CLIC5: variants seen among roughly 807,000 people sequenced by gnomAD.
The protein encoded by CLIC5 is CLIC family member 5, also known as chloride intracellular channel protein 5.
CLIC5 carries 20 observed loss-of-function variants against 24.7 expected under a neutral mutation model. The observed-to-expected ratio is 0.81, with a 90% CI of 0.57 to 1.18. The LOEUF is 1.18. CLIC5 is among the 50% of genes most tolerant of loss of function. The pLI, the probability that CLIC5 is intolerant of heterozygous loss-of-function variation, is 0.00. For missense variants in CLIC5, 341 were observed against 326.1 expected (o/e 1.05, Z -0.35); for synonymous variants, 159 against 135.6 (o/e 1.17, Z -1.20).
chr6:46,072,093 G>C (rs1288301623), intron 1 of CLIC5, among the ~76,000 whole-genome samples: 1 of 152,116 alleles, frequency 6.6e-6, no homozygotes, highest in Non-Finnish European at 1.5e-5. Context: ...GGAGGGTAGA[G>C]GGTGGGAGGA....
the CLIC5 span, among the ~76,000 whole-genome samples, chr6:46,085,830 G>A: frequency 2.0e-5 from 3 of 152,230 alleles, no homozygotes; most frequent in Non-Finnish European, 4.4e-5. Context: ...TTGTTTGTCT[G>A]TGCCCTGCCC....
chr6:45,882,080 TGA>T (rs1389269026), intron 6 of CLIC5, among the ~76,000 whole-genome samples: 1 of 151,952 alleles, frequency 6.6e-6, no homozygotes, highest in Non-Finnish European at 1.5e-5. Context: ...CATCCACAGG[TGA>T]GTGTTAGCCT....
chr6:45,928,767 A>AGTGTGTGTGTGTGTGTGTGT (rs5875948), intron 4 of CLIC5, among the ~76,000 whole-genome samples: 8 of 144,174 alleles, frequency 5.5e-5, no homozygotes, highest in African/African-American at 1.9e-4. Context: ...GAAGTGCATA[A>AGTGTGTGTGTGTGTGTGTGT]GTGTGTGTGT....
At chr6:46,056,342 A>G (rs1768253671) in intron 1 of CLIC5, among the ~76,000 whole-genome samples, 1 of 152,110 alleles carries the variant, frequency 6.6e-6, no homozygotes, top group African/African-American at 2.4e-5. Context: ...CCTTCTGGAC[A>G]AATAATGTAG....
At chr6:46,101,997 G>T in the CLIC5 span, among the ~76,000 whole-genome samples, 1 of 151,824 alleles carries the variant, frequency 6.6e-6, no homozygotes, top group African/African-American at 2.4e-5. Context: ...GGGTGGGGGT[G>T]GTATGAGGAG....
the CLIC5 span, among the ~76,000 whole-genome samples, chr6:46,093,370 AT>A: frequency 2.6e-5 from 4 of 152,136 alleles, no homozygotes; most frequent in Non-Finnish European, 5.9e-5. Flanking sequence ...TGAAATGCAG[AT>A]TTTTGATTCA....
At chr6:45,927,770 A>G (rs1763558197) in intron 4 of CLIC5, among the ~76,000 whole-genome samples, 1 of 152,156 alleles carries the variant, frequency 6.6e-6, no homozygotes, top group South Asian at 2.1e-4. Context: ...ATGCTGTGAA[A>G]CTAGAATTCA....
intron 6 of CLIC5, among the ~76,000 whole-genome samples, chr6:45,888,267 A>G (rs1236405113): frequency 1.3e-5 from 2 of 152,216 alleles, no homozygotes; most frequent in Admixed American, 1.3e-4. Flanking sequence ...CTCCATAGCC[A>G]TAGGTCATCT....
intron 1 of CLIC5, among the ~76,000 whole-genome samples, chr6:45,974,495 G>GTATATATATATA (rs1456137513): frequency 5.2e-5 from 4 of 76,550 alleles, no homozygotes; most frequent in African/African-American, 1.9e-4. Flanking sequence ...GTGTGTGTGT[G>GTATATATATATA]TGTATATATA....
intron 1 of CLIC5, among the ~76,000 whole-genome samples, chr6:45,974,522 TAGAGAGAGAG>T (rs58729329): frequency 0.11 from 7,095 of 65,624 alleles, 379 homozygotes; most frequent in African/African-American, 0.16. Flanking sequence ...TATATATATA[TAGAGAGAGAG>T]AGAGAGAGAG....
chr6:45,987,975 T>C (rs1765800880), intron 1 of CLIC5, among the ~76,000 whole-genome samples: 1 of 152,208 alleles, frequency 6.6e-6, no homozygotes, highest in African/African-American at 2.4e-5. Context: ...AATATGCATT[T>C]ATTCCACCCC....
intron 1 of CLIC5, among the ~76,000 whole-genome samples, chr6:46,061,413 G>A (rs1373270061): frequency 2.6e-5 from 4 of 152,166 alleles, no homozygotes; most frequent in East Asian, 1.9e-4. Flanking sequence ...GGATGGTCTC[G>A]ATCTCCTGAC....
intron 1 of CLIC5, among the ~76,000 whole-genome samples, chr6:46,052,642 A>C (rs1283554802): frequency 6.6e-6 from 1 of 152,028 alleles, no homozygotes; most frequent in Non-Finnish European, 1.5e-5. Context: ...ATGATATGGG[A>C]CTCCATTGGA....
At chr6:45,936,783 A>C (rs1476255782) in intron 4 of CLIC5, among the ~76,000 whole-genome samples, 1 of 152,154 alleles carries the variant, frequency 6.6e-6, no homozygotes, top group Non-Finnish European at 1.5e-5. Flanking sequence ...CCTTCTCCCC[A>C]AAACCAGGCG....
intron 6 of CLIC5, among the ~76,000 whole-genome samples, chr6:45,884,058 T>C (rs368918834): frequency 6.6e-6 from 1 of 152,196 alleles, no homozygotes; most frequent in East Asian, 1.9e-4. Context: ...ATAAGGAGTC[T>C]GGAGGTACAT....
In CLIC5 at chr6:45,962,005, G is replaced by T. The variant is rs112711151; in HGVS notation, c.64-6761C>A. ...TCAGAGTTCTCCAGAGACAGAACCA[G>T]CACAACATGTATGTGTGTGTGTGTG... On this transcript the variant is annotated intron_variant, in intron 1 of 5. Transcript: ENST00000339561. 5.2e-4 allele frequency among the ~76,000 whole-genome samples: 78 copies of T among 150,158 alleles called. 1 individual carries two copies. The highest frequency in any genetic ancestry group is 1.9e-3 in the African/African-American group (75 of 40,340).
At chr6:45,892,773 G>A (rs1025635150) in intron 6 of CLIC5, among the ~76,000 whole-genome samples, 8 of 152,124 alleles carry the variant, frequency 5.3e-5, no homozygotes, top group African/African-American at 1.9e-4. Context: ...CGAGGTAAAG[G>A]AAAAATAGTT....
chr6:45,999,231 T>C (rs1766261838), intron 1 of CLIC5, among the ~76,000 whole-genome samples: 1 of 152,144 alleles, frequency 6.6e-6, no homozygotes, highest in Non-Finnish European at 1.5e-5. Flanking sequence ...CAGTTGAAAA[T>C]AACAGAATGG....
At chr6:46,107,091 T>C in the CLIC5 span, among the ~76,000 whole-genome samples, 36 of 152,348 alleles carry the variant, frequency 2.4e-4, no homozygotes, top group African/African-American at 8.7e-4. Flanking sequence ...TTTACATGAT[T>C]TTAGTAATCT....
Sources: allele counts gnomAD v4.1 joint callset (sites outside exome capture counted in the v4.1 genomes callset), GRCh38; gene constraint gnomAD v4.1.1; transcripts MANE v1.5; gene names NCBI Gene and HGNC (gene_info 2026-07-23, HGNC 2026-07-21).